ZNF831: variants seen among roughly 807,000 people sequenced by gnomAD.
The protein encoded by ZNF831 is chromosome 20 open reading frame 174.
A neutral mutation model predicts 95.8 loss-of-function variants in ZNF831; 59 were observed. The ratio of observed to expected loss-of-function variants is 0.62; its 90% CI spans 0.50 to 0.77. The LOEUF (loss-of-function observed/expected upper bound fraction) is 0.77. Among genes scored for constraint, ZNF831 ranks in the 30% least tolerant of loss-of-function variants. The probability of loss-of-function intolerance (pLI) is 0.00; values close to 1 mark genes in which losing one functional copy is unlikely to be tolerated. For missense variants in ZNF831, 2,205 were observed against 2,164.0 expected, an observed-to-expected ratio of 1.02 and a Z score of -0.38; for synonymous variants, 961 against 925.5, an observed-to-expected ratio of 1.04 and a Z score of -0.70.
intron 3 of ZNF831, among the ~76,000 whole-genome samples, chr20:59,199,198 A>G (rs1984358019): frequency 6.6e-6 from 1 of 151,692 alleles, no homozygotes; most frequent in Admixed American, 6.6e-5. Context: ...TTCCCACTTT[A>G]ATTTCAGTTG....
chr20:59,237,410 G>A (rs1252328259), intron 4 of ZNF831, among the ~76,000 whole-genome samples: 1 of 152,096 alleles, frequency 6.6e-6, no homozygotes, highest in Non-Finnish European at 1.5e-5. Context: ...GCAGTGGCGC[G>A]ATCTCAGCTC....
chr20:59,158,192 G>A (rs1980645548), intron 2 of ZNF831, among the ~76,000 whole-genome samples: 1 of 152,234 alleles, frequency 6.6e-6, no homozygotes, highest in African/African-American at 2.4e-5. Context: ...ACTGGCCCGT[G>A]GCGACAGGGA....
intron 1 of ZNF831, among the ~76,000 whole-genome samples, chr20:59,126,225 C>T (rs1005471208): frequency 6.6e-6 from 1 of 152,204 alleles, no homozygotes; most frequent in Non-Finnish European, 1.5e-5. Flanking sequence ...AGCCCCCTCT[C>T]TCTCCCCCGT....
At chr20:59,148,006 A>T (rs766368646) in intron 2 of ZNF831, among the ~76,000 whole-genome samples, 3 of 152,220 alleles carry the variant, frequency 2.0e-5, no homozygotes, top group Non-Finnish European at 4.4e-5. Context: ...CAATTATTAG[A>T]TCAATAAGAA....
intron 4 of ZNF831, among the ~76,000 whole-genome samples, chr20:59,238,535 T>G (rs1372239191): frequency 6.6e-6 from 1 of 152,236 alleles, no homozygotes; most frequent in African/African-American, 2.4e-5. Context: ...GCCAGTCGCC[T>G]AGATTGTCCA....
intron 4 of ZNF831, 87 bp from the exon 5 acceptor site, chr20:59,252,891 C>A: frequency 1.4e-6 from 2 of 1,434,524 alleles, no homozygotes; most frequent in Non-Finnish European, 9.4e-7. Context: ...CAGAGGCGAT[C>A]AAGAAGTCAT....
chr20:59,194,370 GC>G lies in ZNF831; in HGVS notation c.3355del (p.Leu1119TrpfsTer59). 6.2e-7 allele frequency: 1 copy of G among 1,611,612 alleles called. No individual in the cohort carries two copies. Among genetic ancestry groups the G allele is most frequent in the Non-Finnish European group, 8.5e-7 (1 of 1,178,962 alleles). Reference protein sequence around the residue: ...GNAPEDPSSGPLVGPDPCSPL... With the variant: ...GNAPEDPSSGXLVGPDPCSPL... Reference sequence around the variant, plus strand: ...ATGCCCCAGAAGATCCTTCTTCAGGGCCCCTGGTGGGCCCCGACCCGTGTTC... The same window carrying G: ...ATGCCCCAGAAGATCCTTCTTCAGGGCCCTGGTGGGCCCCGACCCGTGTTC... On this transcript the variant is annotated frameshift_variant, in exon 2 of 6. Transcript: ENST00000371030. LOFTEE classifies it high-confidence loss of function.
intron 1 of ZNF831, among the ~76,000 whole-genome samples, chr20:59,135,273 G>A (rs1176031367): frequency 6.6e-6 from 1 of 152,196 alleles, no homozygotes; most frequent in African/African-American, 2.4e-5. Flanking sequence ...CCTGCTCTGA[G>A]TCTTACAAAG....
chr20:59,215,026 A>G (rs1985586580), intron 4 of ZNF831, among the ~76,000 whole-genome samples: 1 of 152,226 alleles, frequency 6.6e-6, no homozygotes, highest in Non-Finnish European at 1.5e-5. Flanking sequence ...AGCCGATGAC[A>G]TATCAGCTTT....
chr20:59,146,311 C>T (rs913635861), exon 2 of ZNF831: 2 of 152,216 alleles, frequency 1.3e-5, no homozygotes, highest in African/African-American at 4.8e-5. Context: ...CCTGCCTCAT[C>T]GGAGCCACCG....
upstream of ZNF831, among the ~76,000 whole-genome samples, chr20:59,159,147 A>G (rs1601311413): frequency 6.6e-6 from 1 of 152,228 alleles, no homozygotes; most frequent in East Asian, 1.9e-4. Context: ...TTATGAAAAT[A>G]AATACAGATG....
chr20:59,237,239 A>G (rs1987047017), intron 4 of ZNF831, among the ~76,000 whole-genome samples: 2 of 152,198 alleles, frequency 1.3e-5, no homozygotes, highest in Admixed American at 1.3e-4. Context: ...TTCAAAGTAG[A>G]TTTTTAGAAG....
intron 4 of ZNF831, among the ~76,000 whole-genome samples, chr20:59,209,166 C>T (rs772061014): frequency 1.6e-4 from 25 of 152,146 alleles, no homozygotes; most frequent in African/African-American, 5.8e-4. Context: ...TCTAGGATGT[C>T]GACGGTCTGT....
chr20:59,139,938 C>T (rs1467377137), intron 1 of ZNF831, among the ~76,000 whole-genome samples: 22 of 152,098 alleles, frequency 1.4e-4, no homozygotes. Flanking sequence ...GGAATAACAA[C>T]CAAGTTATTT....
intron 4 of ZNF831, among the ~76,000 whole-genome samples, chr20:59,207,648 A>C (rs967065345): frequency 1.3e-5 from 2 of 152,208 alleles, no homozygotes; most frequent in Non-Finnish European, 2.9e-5. Flanking sequence ...CAACCGGGGC[A>C]AATGGCTCAA....
chr20:59,171,841 C>T (rs1252686452), intron 1 of ZNF831, among the ~76,000 whole-genome samples: 3 of 152,358 alleles, frequency 2.0e-5, no homozygotes, highest in African/African-American at 7.2e-5. Flanking sequence ...ACCCATTCCA[C>T]ATCTTCCTTG....
intron 1 of ZNF831, among the ~76,000 whole-genome samples, chr20:59,184,080 T>C (rs906726382): frequency 2.0e-5 from 3 of 151,864 alleles, no homozygotes; most frequent in Non-Finnish European, 4.4e-5. Flanking sequence ...ACTGTCTCCA[T>C]AGTTTTGCCT....
intron 1 of ZNF831, among the ~76,000 whole-genome samples, chr20:59,128,855 G>A (rs1026192044): frequency 6.6e-6 from 1 of 152,144 alleles, no homozygotes; most frequent in African/African-American, 2.4e-5. Context: ...TCCACCTCCC[G>A]GGTTCAAGCT....
chr20:59,129,400 G>A (rs895643003), intron 1 of ZNF831, among the ~76,000 whole-genome samples: 1 of 152,134 alleles, frequency 6.6e-6, no homozygotes, highest in African/African-American at 2.4e-5. Flanking sequence ...GCTGAGGCGG[G>A]TGGATCACCT....
Sources: allele counts gnomAD v4.1 joint callset (sites outside exome capture counted in the v4.1 genomes callset), GRCh38; gene constraint gnomAD v4.1.1; transcripts MANE v1.5; gene names NCBI Gene and HGNC (gene_info 2026-07-23, HGNC 2026-07-21).